Variants in CPVL observed in about 807,000 individuals in gnomAD.
The protein encoded by CPVL is probable serine carboxypeptidase CPVL.
Under a neutral mutation model 63.7 loss-of-function variants are expected in CPVL, and 51 were observed. The ratio of observed to expected loss-of-function variants is 0.80; its 90% confidence interval spans 0.64 to 1.01. The LOEUF (loss-of-function observed/expected upper bound fraction) is 1.01, where lower values mean the gene tolerates loss of function less well. Ranked by LOEUF, CPVL falls within the 50% of genes least tolerant of loss-of-function variation. CPVL has a pLI of 0.00. For synonymous variants in CPVL, 195 were observed against 206.0 expected, an observed-to-expected ratio of 0.95 and a Z score of 0.46; for missense variants, 530 against 573.1, an observed-to-expected ratio of 0.92 and a Z score of 0.77.
At chr7:29,183,573 C>A (rs1487124008) in intron 4 of CPVL, among the ~76,000 whole-genome samples, 1 of 151,856 alleles carries the variant, frequency 6.6e-6, no homozygotes, top group Non-Finnish European at 1.5e-5. Flanking sequence ...GACAGGGTTT[C>A]ACCATGTTGG....
chr7:29,060,835 T>C (rs1791201027), intron 11 of CPVL, among the ~76,000 whole-genome samples: 1 of 152,188 alleles, frequency 6.6e-6, no homozygotes, highest in East Asian at 1.9e-4. Flanking sequence ...CTATGACAAA[T>C]TAGTACCGAG....
intron 7 of CPVL, among the ~76,000 whole-genome samples, chr7:29,074,157 C>T (rs1784010161): frequency 6.6e-6 from 1 of 152,200 alleles, no homozygotes; most frequent in African/African-American, 2.4e-5. Flanking sequence ...GACTCCAAAA[C>T]CTAAACTCCT....
chr7:29,129,471 C>A (rs1000874811), intron 1 of CPVL, among the ~76,000 whole-genome samples: 1 of 113,386 alleles, frequency 8.8e-6, no homozygotes, highest in Non-Finnish European at 1.7e-5. Context: ...TGGTTTTTGC[C>A]ATTACTTTTT....
chr7:29,133,378 C>T (rs1473308630), intron 1 of CPVL, among the ~76,000 whole-genome samples: 2 of 152,138 alleles, frequency 1.3e-5, no homozygotes, highest in African/African-American at 2.4e-5. Context: ...CGATGCCTTG[C>T]CTTCTGTAAT....
chr7:29,149,045 G>A (rs17756163), upstream of CPVL, among the ~76,000 whole-genome samples: 24 of 152,108 alleles, frequency 1.6e-4, 1 homozygote, highest in Non-Finnish European at 2.9e-5. Context: ...TGGACTGTGC[G>A]ACACCAGGCG....
chr7:29,150,706 C>T (rs1305717571), upstream of CPVL, among the ~76,000 whole-genome samples: 3 of 152,210 alleles, frequency 2.0e-5, no homozygotes, highest in Non-Finnish European at 4.4e-5. Context: ...TCATGCCCCT[C>T]TTGGAAGTGT....
chr7:29,174,136 C>T (rs1287159573), intron 5 of CPVL, among the ~76,000 whole-genome samples: 1 of 151,968 alleles, frequency 6.6e-6, no homozygotes, highest in Non-Finnish European at 1.5e-5. Flanking sequence ...GGAGAGACCC[C>T]CCCGTTTGGT....
intron 4 of CPVL, among the ~76,000 whole-genome samples, chr7:29,182,454 G>C (rs1159766569): frequency 1.3e-5 from 2 of 152,188 alleles, no homozygotes; most frequent in Non-Finnish European, 2.9e-5. Flanking sequence ...AACGTAGAAA[G>C]TTGTAATATT....
intron 5 of CPVL, among the ~76,000 whole-genome samples, chr7:29,152,890 C>T (rs1194395871): frequency 6.6e-6 from 1 of 152,218 alleles, no homozygotes; most frequent in Non-Finnish European, 1.5e-5. Context: ...ATAACAAGGA[C>T]CTCAGAATTC....
intron 9 of CPVL, among the ~76,000 whole-genome samples, chr7:29,069,522 T>C (rs1783514050): frequency 6.6e-6 from 1 of 151,970 alleles, no homozygotes; most frequent in Non-Finnish European, 1.5e-5. Context: ...ACTAAGAACT[T>C]TGTGATTCAG....
chr7:29,078,884 T>A (rs934632201), intron 7 of CPVL, among the ~76,000 whole-genome samples: 5 of 152,184 alleles, frequency 3.3e-5, no homozygotes, highest in African/African-American at 1.2e-4. Flanking sequence ...TAGTCACAAA[T>A]CCATTTTCAA....
At chr7:29,124,519 A>C (rs2128646450) in intron 1 of CPVL, among the ~76,000 whole-genome samples, 1 of 152,278 alleles carries the variant, frequency 6.6e-6, no homozygotes, top group East Asian at 1.9e-4. Context: ...TTAAAGTTGA[A>C]AATCATGTGT....
At chr7:29,172,513 A>G (rs1017819448) in intron 5 of CPVL, among the ~76,000 whole-genome samples, 1 of 152,234 alleles carries the variant, frequency 6.6e-6, no homozygotes, top group African/African-American at 2.4e-5. Flanking sequence ...CAGGAAAACC[A>G]TTGGAATCAA....
At position 29,158,720 on chromosome 7, in the gene CPVL, C is replaced by G. The variant is rs550439047; in HGVS notation, c.-11+22570G>C. ...TTAACAGTTTAATATAAAAGTGTTCCTGGAGATTTTGCTTGTTCTTTTTGG... is the reference window on the plus strand; with the variant it reads ...TTAACAGTTTAATATAAAAGTGTTCGTGGAGATTTTGCTTGTTCTTTTTGG... On this transcript the variant is annotated intron_variant, in intron 5 of 16. Coordinates refer to the CPVL transcript ENST00000409850. 9.9e-5 allele frequency among the ~76,000 whole-genome samples: 15 copies of G among 152,220 alleles called. No homozygotes were observed. The South Asian group carries it at 3.1e-3, about 32-fold the overall frequency.
chr7:29,108,615 T>A (rs1031153609), intron 3 of CPVL, among the ~76,000 whole-genome samples: 3 of 152,188 alleles, frequency 2.0e-5, no homozygotes, highest in Non-Finnish European at 4.4e-5. Context: ...ATAATAACCA[T>A]AATAATCGTA....
At chr7:29,077,470 C>T (rs17676174) in intron 7 of CPVL, among the ~76,000 whole-genome samples, 18,697 of 152,148 alleles carry the variant, frequency 0.12, 1,261 homozygotes, top group Middle Eastern at 0.15. Flanking sequence ...TTAGTTCCTA[C>T]CCTTTGCCTG....
At chr7:29,095,421 A>G (rs1786303519) in intron 4 of CPVL, among the ~76,000 whole-genome samples, 1 of 152,096 alleles carries the variant, frequency 6.6e-6, no homozygotes, top group East Asian at 1.9e-4. Flanking sequence ...TTCATGAAAA[A>G]ACACCCACCA....
At chr7:29,022,833 G>A (rs546667742) in intron 12 of CPVL, among the ~76,000 whole-genome samples, 2 of 152,324 alleles carry the variant, frequency 1.3e-5, no homozygotes, top group Admixed American at 6.5e-5. Context: ...ACCTGGGGGT[G>A]CTAAGGACAG....
intron 12 of CPVL, among the ~76,000 whole-genome samples, chr7:29,018,261 A>G (rs886717563): frequency 2.0e-5 from 3 of 152,092 alleles, no homozygotes; most frequent in African/African-American, 7.2e-5. Flanking sequence ...AATAACGATG[A>G]AAAAAACAGA....
Sources: gnomAD v4.1 joint callset for allele counts (sites outside exome capture counted in the v4.1 genomes callset) on GRCh38, gnomAD v4.1.1 for gene constraint, MANE v1.5 for transcripts, NCBI Gene and HGNC (gene_info 2026-07-23, HGNC 2026-07-21) for gene names.